The following KRT80 variants were observed in gnomAD, a reference collection of about 807,000 sequenced individuals.
KRT80 encodes keratin 80.
Under a neutral mutation model 51.5 loss-of-function variants are expected in KRT80, and 36 were observed. The ratio of observed to expected loss-of-function variants is 0.70; its 90% CI spans 0.54 to 0.92. The LOEUF (loss-of-function observed/expected upper bound fraction) is 0.92, where lower values mean the gene tolerates loss of function less well. Ranked by LOEUF, KRT80 falls within the 40% of genes least tolerant of loss-of-function variation. The pLI is 0.00. For synonymous variants in KRT80, 235 were observed against 248.3 expected (o/e 0.95, Z 0.50); for missense variants, 566 against 591.7 (o/e 0.96, Z 0.45).
chr12:52,188,861 C>T (rs1015593767), intron 1 of KRT80, among the ~76,000 whole-genome samples: 14 of 152,200 alleles, frequency 9.2e-5, no homozygotes, highest in African/African-American at 3.4e-4. Context: ...GTCGGCCTTG[C>T]GCCCTCCCTG....
At chr12:52,181,834 C>G (rs1941325978) in intron 2 of KRT80, among the ~76,000 whole-genome samples, 1 of 152,228 alleles carries the variant, frequency 6.6e-6, no homozygotes, top group Non-Finnish European at 1.5e-5. Context: ...TGGCTCCAGA[C>G]TTCTCGCTGG....
intron 4 of KRT80, among the ~76,000 whole-genome samples, chr12:52,175,181 T>C (rs1423908180): frequency 1.3e-5 from 2 of 152,238 alleles, no homozygotes; most frequent in East Asian, 1.9e-4. Flanking sequence ...AGTTGGTCCA[T>C]ATGTCTGTAG....
At chr12:52,189,825 G>A (rs996279277) in intron 1 of KRT80, among the ~76,000 whole-genome samples, 1 of 152,226 alleles carries the variant, frequency 6.6e-6, no homozygotes, top group Non-Finnish European at 1.5e-5. Flanking sequence ...GCATTGCCCT[G>A]GTCTCTGGGC....
intron 2 of KRT80, among the ~76,000 whole-genome samples, chr12:52,182,655 A>G (rs1164137190): frequency 1.3e-5 from 2 of 152,168 alleles, no homozygotes; most frequent in Non-Finnish European, 2.9e-5. Flanking sequence ...CTAGGGGAAC[A>G]TAAGTAGGGT....
intron 4 of KRT80, among the ~76,000 whole-genome samples, chr12:52,176,318 G>A (rs1267884799): frequency 1.1e-4 from 16 of 152,226 alleles, no homozygotes; most frequent in Admixed American, 1.0e-3. Flanking sequence ...TTAAGCCGAA[G>A]TACAGTTTAG....
rs141410916 is a variant in KRT80, at chr12:52,179,668, T to C, written c.666+845A>G. Among the ~76,000 whole-genome samples, 41 of 152,342 alleles carry C rather than the reference T, an allele frequency of 2.7e-4. No homozygotes were observed. The East Asian group carries it at 2.7e-3, about 10-fold the overall frequency. On this transcript the variant is annotated intron_variant, in intron 4 of 8. Coordinates refer to ENST00000394815, the MANE Select transcript of KRT80 (RefSeq NM_182507.3). ...CCATTTTAGCAGAATCTGTAAGTTGTGGTGGTGACTTTGATCTCAGCCTTG... is the reference window on the plus strand; with the variant it reads ...CCATTTTAGCAGAATCTGTAAGTTGCGGTGGTGACTTTGATCTCAGCCTTG...
chr12:52,172,923 G>T, intron 6 of KRT80, 115 bp downstream of exon 6: 1 of 1,254,272 alleles, frequency 8.0e-7, no homozygotes, highest in Non-Finnish European at 1.1e-6. Context: ...AGGCACAGAG[G>T]CGCTAAGCGA....
At chr12:52,178,140 A>G (rs1377982580) in intron 4 of KRT80, among the ~76,000 whole-genome samples, 1 of 152,112 alleles carries the variant, frequency 6.6e-6, no homozygotes, top group Admixed American at 6.5e-5. Flanking sequence ...TTTCAACCCC[A>G]TCTTGCTGCT....
chr12:52,176,954 A>T (rs1423011971), intron 4 of KRT80, among the ~76,000 whole-genome samples: 1 of 152,240 alleles, frequency 6.6e-6, no homozygotes, highest in South Asian at 2.1e-4. Context: ...TAAGAAAACA[A>T]ATCCTCACAA....
chr12:52,185,459 C>T lies in KRT80; in HGVS notation c.429G>A (p.Leu143=), dbSNP rs765268682. The T allele has an allele frequency of 2.0e-5, 32 of 1,613,970 alleles. 1 individual carries two copies. In the South Asian group the frequency reaches 3.0e-4, roughly 15 times the overall value. ...EEYQGRLQEE[L]RKVSQERGQL... ...GCCCCCGCTCCTGGCTCACTTTGCGCAGTTCCTCCTGCAGCCGGCCCTGAT... is the reference window on the plus strand; with the variant it reads ...GCCCCCGCTCCTGGCTCACTTTGCGTAGTTCCTCCTGCAGCCGGCCCTGAT... The change falls in exon 2 of 9, where the codon CTG becomes CTA. Residue 143 remains leucine (L), a synonymous_variant. Transcript: ENST00000394815.
At chr12:52,171,787 T>G (rs1438536045) in intron 7 of KRT80, 74 bp from the exon 8 acceptor site, 9 of 1,036,416 alleles carry the variant, frequency 8.7e-6, no homozygotes, top group Admixed American at 2.1e-5. Context: ...TAAACTCCCC[T>G]GGGGGCTGGC....
At chr12:52,180,727 A>G in intron 3 of KRT80, 119 bp from the exon 4 acceptor site, 1 of 1,599,304 alleles carries the variant, frequency 6.3e-7, no homozygotes, top group Non-Finnish European at 8.5e-7. Context: ...GATCTGGCTC[A>G]GAGCCTCGAA....
chr12:52,182,006 C>T (rs11616193), intron 2 of KRT80, among the ~76,000 whole-genome samples: 557 of 152,336 alleles, frequency 3.7e-3, no homozygotes, highest in South Asian at 7.9e-3. Context: ...CTATATCTGG[C>T]GCCCCTCATG....
Position 52,171,716 on chromosome 12 carries a change from G to C in KRT80, c.1179-3C>G, listed in dbSNP as rs1474253327. 1 of 1,539,918 alleles carries C rather than the reference G, an allele frequency of 6.5e-7. No homozygotes were observed. Among genetic ancestry groups the C allele is most frequent in the Non-Finnish European group, 8.8e-7 (1 of 1,133,878 alleles). ...CAGTGGCTGAGGGCGAGTCCATCCT[G>C]GGGGTGGGGGACGGGGGGGTGGGAG... On this transcript the variant is annotated splice_polypyrimidine_tract_variant and splice_region_variant and intron_variant, in intron 7 of 8. Coordinates refer to ENST00000394815, the MANE Select transcript of KRT80 (RefSeq NM_182507.3).
At chr12:52,183,502 G>A (rs1471069177) in intron 2 of KRT80, among the ~76,000 whole-genome samples, 1 of 152,192 alleles carries the variant, frequency 6.6e-6, no homozygotes, top group Non-Finnish European at 1.5e-5. Context: ...CCCTGGCTCT[G>A]GCCTGAAGAC....
rs560960830 is a variant in KRT80 at position 52,191,554 on chromosome 12, G to C, written c.300+49C>G. 4.2e-5 allele frequency: 63 copies of C among 1,512,358 alleles called. 2 individuals are homozygous for C. The South Asian group carries it at 7.7e-4, about 19-fold the overall frequency. The allele number at this position is 1,512,358 out of a possible 1,614,324, so 93.7% of individuals were successfully genotyped here. A position where few individuals can be genotyped will look rare whatever the true frequency, so the allele number is the denominator to read the frequency against. On this transcript the variant is annotated intron_variant, in intron 1 of 8. Transcript: ENST00000394815. Reference sequence around the variant, plus strand: ...AGGGAAACACAGAGCTCAGCTACCGGCCCAGGCCTGGCAGCCCTTCATGTT... The same window carrying C: ...AGGGAAACACAGAGCTCAGCTACCGCCCCAGGCCTGGCAGCCCTTCATGTT...
At position 52,173,022 on chromosome 12, in the gene KRT80, TC is replaced by T; in HGVS notation, c.957+15del. The T allele has an allele frequency of 6.3e-7, 1 of 1,595,930 alleles. No homozygotes were observed. ...GCTCTCCTCCCCGCCCCCAGGCGCG[TC>T]CCCCAGATACTCACATGGCTCTTGA... On this transcript the variant is annotated intron_variant, in intron 6 of 8. Transcript: ENST00000394815.
chr12:52,181,955 C>A (rs1285519259), intron 2 of KRT80, among the ~76,000 whole-genome samples: 2 of 152,228 alleles, frequency 1.3e-5, no homozygotes, highest in Admixed American at 1.3e-4. Flanking sequence ...CAGGCCCTAG[C>A]CTCCCAGCAG....
chr12:52,181,954 G>T (rs1565696650), intron 2 of KRT80, among the ~76,000 whole-genome samples: 1 of 152,188 alleles, frequency 6.6e-6, no homozygotes. Context: ...TCAGGCCCTA[G>T]CCTCCCAGCA....
Sources: gnomAD v4.1 joint callset for allele counts (sites outside exome capture counted in the v4.1 genomes callset) on GRCh38, gnomAD v4.1.1 for gene constraint, MANE v1.5 for transcripts, NCBI Gene and HGNC (gene_info 2026-07-23, HGNC 2026-07-21) for gene names.